The following CDH13 variants were observed in gnomAD, a reference collection of about 807,000 sequenced individuals.
The protein encoded by CDH13 is cadherin 13.
Under a neutral mutation model 63.8 loss-of-function variants are expected in CDH13, and 24 were observed. That is an observed-to-expected ratio of 0.38 (90% CI 0.27 to 0.53). CDH13 has a LOEUF of 0.53. Ranked by LOEUF, CDH13 falls within the 20% of genes least tolerant of loss-of-function variation. The probability of loss-of-function intolerance (pLI) is 0.85; values close to 1 mark genes in which losing one functional copy is unlikely to be tolerated. For missense variants in CDH13, 1,049 were observed against 903.1 expected (o/e 1.16, Z -2.07); for synonymous variants, 503 against 355.3 (o/e 1.42, Z -4.67).
chr16:83,123,388 T>A (rs1308863395), intron 3 of CDH13, among the ~76,000 whole-genome samples: 1 of 152,142 alleles, frequency 6.6e-6, no homozygotes, highest in Non-Finnish European at 1.5e-5. Flanking sequence ...CAAGTGATTC[T>A]CCTGCCTCAG....
At chr16:83,420,703 A>G (rs1370911127) in intron 6 of CDH13, among the ~76,000 whole-genome samples, 5 of 152,236 alleles carry the variant, frequency 3.3e-5, no homozygotes, top group South Asian at 2.1e-4. Flanking sequence ...ACTATAGGCC[A>G]TCTGCAAGCT....
At chr16:83,594,518 A>G (rs1907072502) in intron 7 of CDH13, among the ~76,000 whole-genome samples, 1 of 152,180 alleles carries the variant, frequency 6.6e-6, no homozygotes, top group South Asian at 2.1e-4. Context: ...AATAATGACC[A>G]TCAGCAAAGG....
At chr16:83,064,293 C>T (rs565680154) in intron 3 of CDH13, among the ~76,000 whole-genome samples, 32 of 152,132 alleles carry the variant, frequency 2.1e-4, no homozygotes, top group Admixed American at 2.0e-3. Flanking sequence ...CGCTTGAACC[C>T]GGGAGGTGGA....
chr16:83,601,778 C>A (rs534249812), intron 7 of CDH13, among the ~76,000 whole-genome samples: 1 of 152,138 alleles, frequency 6.6e-6, no homozygotes, highest in African/African-American at 2.4e-5. Context: ...TCTGAAATAG[C>A]AGATATGGAT....
Position 83,007,077 on chromosome 16 carries a change from C to T in CDH13, c.158-24933C>T, listed in dbSNP as rs35635328. On this transcript the variant is annotated intron_variant, in intron 2 of 13. Transcript: ENST00000567109. ...TAGCTGGGATTACAGGCATGCACCA[C>T]GCCCAGCTAATTTTTTGTATTTGTG... Among the ~76,000 whole-genome samples, 490 of 152,210 alleles carry T rather than the reference C, an allele frequency of 3.2e-3. 4 individuals carry two copies. Among genetic ancestry groups the T allele is most frequent in the African/African-American group, 0.011 (463 of 41,530 alleles).
intron 7 of CDH13, among the ~76,000 whole-genome samples, chr16:83,582,882 G>A (rs77359786): frequency 0.029 from 4,469 of 152,286 alleles, 217 homozygotes; most frequent in African/African-American, 0.1. Context: ...GAGCAGAATG[G>A]CCATTGGTGG....
intron 6 of CDH13, among the ~76,000 whole-genome samples, chr16:83,359,132 G>T (rs2091111289): frequency 6.6e-6 from 1 of 152,112 alleles, no homozygotes; most frequent in African/African-American, 2.4e-5. Flanking sequence ...AAGTACCTGT[G>T]AGTTCATCAG....
chr16:83,796,830 T>C lies in CDH13; in HGVS notation c.*1800T>C, dbSNP rs1904283746. 1 of 152,156 alleles carries C rather than the reference T, an allele frequency of 6.6e-6. No homozygotes were observed. The highest frequency in any genetic ancestry group is 2.1e-4 in the South Asian group (1 of 4,828). 9.4% of individuals were successfully genotyped at this position (152,156 alleles called of 1,614,324 possible). On this transcript the variant is annotated 3_prime_UTR_variant, in exon 14 of 14. Coordinates refer to ENST00000567109, the MANE Select transcript of CDH13 (RefSeq NM_001257.5). Reference sequence around the variant, plus strand: ...GTGTCATAATCAGCTATAAAGGTAATTGCATACTCAAAGATGAGACGGACC... The same window carrying C: ...GTGTCATAATCAGCTATAAAGGTAACTGCATACTCAAAGATGAGACGGACC...
At chr16:83,777,151 A>G (rs1442873956) in intron 11 of CDH13, among the ~76,000 whole-genome samples, 2 of 152,298 alleles carry the variant, frequency 1.3e-5, no homozygotes, top group East Asian at 3.9e-4. Flanking sequence ...GCCTGCCTGC[A>G]GGGTCTCACA....
At chr16:83,669,852 A>T (rs1047266701) in intron 8 of CDH13, among the ~76,000 whole-genome samples, 1 of 152,212 alleles carries the variant, frequency 6.6e-6, no homozygotes, top group African/African-American at 2.4e-5. Flanking sequence ...TATTGGTGTT[A>T]CTTGTTTATA....
At chr16:82,797,162 A>G (rs553475190) in intron 1 of CDH13, among the ~76,000 whole-genome samples, 1 of 152,312 alleles carries the variant, frequency 6.6e-6, no homozygotes, top group South Asian at 2.1e-4. Context: ...TTTTTCCTAT[A>G]CGTCACTCTT....
intron 5 of CDH13, among the ~76,000 whole-genome samples, chr16:83,252,273 T>C (rs997330885): frequency 7.9e-4 from 3 of 3,782 alleles, no homozygotes; most frequent in Admixed American, 3.1e-3. Flanking sequence ...TTTTTTTTCT[T>C]TTTTTTTTTC....
At chr16:82,708,503 C>T (rs1192838621) in intron 1 of CDH13, among the ~76,000 whole-genome samples, 2 of 152,214 alleles carry the variant, frequency 1.3e-5, no homozygotes, top group East Asian at 1.9e-4. Flanking sequence ...TCCACTGTCT[C>T]TGTCTCTCCA....
At chr16:83,486,039 A>C (rs932277219) in intron 6 of CDH13, among the ~76,000 whole-genome samples, 2 of 152,162 alleles carry the variant, frequency 1.3e-5, no homozygotes, top group African/African-American at 4.8e-5. Context: ...GCTACTTAGG[A>C]GGCTGAGGCA....
chr16:83,344,148 G>A (rs551407058), intron 5 of CDH13, among the ~76,000 whole-genome samples: 20 of 152,294 alleles, frequency 1.3e-4, no homozygotes, highest in African/African-American at 3.6e-4. Flanking sequence ...GTTGAATTAC[G>A]CACAGAAAAT....
At chr16:82,938,331 A>G (rs1469605457) in intron 2 of CDH13, among the ~76,000 whole-genome samples, 3 of 152,246 alleles carry the variant, frequency 2.0e-5, no homozygotes, top group Non-Finnish European at 4.4e-5. Context: ...TGGCGATTTG[A>G]CTTGATTCGG....
chr16:82,753,464 A>T (rs1326152105), intron 1 of CDH13, among the ~76,000 whole-genome samples: 1 of 152,104 alleles, frequency 6.6e-6, no homozygotes, highest in Non-Finnish European at 1.5e-5. Context: ...AAATCTAAGA[A>T]ATGGGCACAT....
At chr16:82,827,832 G>A (rs2038327044) in intron 1 of CDH13, among the ~76,000 whole-genome samples, 2 of 152,138 alleles carry the variant, frequency 1.3e-5, no homozygotes, top group Non-Finnish European at 2.9e-5. Flanking sequence ...GTGTAGGATG[G>A]TCAGATGTGG....
intron 6 of CDH13, among the ~76,000 whole-genome samples, chr16:83,440,970 G>C (rs1336165503): frequency 6.6e-6 from 1 of 152,066 alleles, no homozygotes; most frequent in African/African-American, 2.4e-5. Flanking sequence ...TCCCAAATCT[G>C]TGTTCATCCC....
Sources: gnomAD v4.1 joint callset for allele counts (sites outside exome capture counted in the v4.1 genomes callset) on GRCh38, gnomAD v4.1.1 for gene constraint, MANE v1.5 for transcripts, NCBI Gene and HGNC (gene_info 2026-07-23, HGNC 2026-07-21) for gene names.